Variants in CAMSAP2 observed in about 807,000 individuals in gnomAD.
The protein encoded by CAMSAP2 is calmodulin regulated spectrin associated protein family member 2.
Under a neutral mutation model 146.1 loss-of-function variants are expected in CAMSAP2, and 26 were observed. That is an observed-to-expected ratio of 0.18 (90% CI 0.13 to 0.25). The LOEUF is 0.25. CAMSAP2 is among the 10% of genes least tolerant of loss of function. The pLI, the probability that CAMSAP2 is intolerant of heterozygous loss-of-function variation, is 1.00. For synonymous variants in CAMSAP2, 499 were observed against 596.6 expected (o/e 0.84, Z 2.38); for missense variants, 1,381 against 1,759.3 (o/e 0.78, Z 3.85).
At chr1:200,847,108 G>A in intron 8 of CAMSAP2, 102 bp from the exon 9 acceptor site, 2 of 749,252 alleles carry the variant, frequency 2.7e-6, no homozygotes, top group Admixed American at 2.9e-5. Flanking sequence ...AATTTAGGTT[G>A]TAGAATGAGA....
At chr1:200,798,583 T>G (rs1167712635) in intron 2 of CAMSAP2, among the ~76,000 whole-genome samples, 2 of 141,500 alleles carry the variant, frequency 1.4e-5, no homozygotes, top group African/African-American at 2.7e-5. Context: ...ACGATGGGGT[T>G]TTCTAGATAT....
intron 1 of CAMSAP2, among the ~76,000 whole-genome samples, chr1:200,757,772 T>G (rs945000950): frequency 3.9e-5 from 6 of 152,382 alleles, no homozygotes; most frequent in Middle Eastern, 3.4e-3. Flanking sequence ...TCTTGAGGGC[T>G]GAAAAATCTA....
At chr1:200,833,972 G>A (rs1667110221) in intron 6 of CAMSAP2, among the ~76,000 whole-genome samples, 1 of 152,158 alleles carries the variant, frequency 6.6e-6, no homozygotes, top group East Asian at 1.9e-4. Flanking sequence ...AATGTATGCT[G>A]TCAGATTGTG....
At chr1:200,811,580 T>C (rs1666332487) in intron 3 of CAMSAP2, among the ~76,000 whole-genome samples, 1 of 152,222 alleles carries the variant, frequency 6.6e-6, no homozygotes. Context: ...TACTTGCTCT[T>C]GGTTGCTCAC....
intron 2 of CAMSAP2, among the ~76,000 whole-genome samples, chr1:200,783,137 T>C (rs1665486860): frequency 6.6e-6 from 1 of 152,200 alleles, no homozygotes; most frequent in African/African-American, 2.4e-5. Flanking sequence ...CCAAAGTGGT[T>C]GTACTTTCTA....
chr1:200,749,862 A>G (rs543142759), intron 1 of CAMSAP2, among the ~76,000 whole-genome samples: 1 of 152,312 alleles, frequency 6.6e-6, no homozygotes, highest in East Asian at 1.9e-4. Flanking sequence ...GAGAATCTGA[A>G]AGGAGGTAAA....
chr1:200,817,330 A>G (rs891365475), intron 4 of CAMSAP2, among the ~76,000 whole-genome samples: 1 of 149,266 alleles, frequency 6.7e-6, no homozygotes, highest in Non-Finnish European at 1.5e-5. Context: ...TGAAGAAAGA[A>G]GAAACATTAA....
At chr1:200,758,376 A>G (rs1370095587) in intron 1 of CAMSAP2, among the ~76,000 whole-genome samples, 1 of 152,216 alleles carries the variant, frequency 6.6e-6, no homozygotes, top group Non-Finnish European at 1.5e-5. Context: ...CAGCTGTTCT[A>G]CTAATAGTTT....
chr1:200,780,892 GA>G (rs1420633970), intron 2 of CAMSAP2, among the ~76,000 whole-genome samples: 36 of 152,222 alleles, frequency 2.4e-4, no homozygotes, highest in Non-Finnish European at 5.1e-4. Context: ...CAGTGCTTGG[GA>G]AGTGAAGCCT....
At position 200,799,463 on chromosome 1, in the gene CAMSAP2, G is replaced by A. The variant is rs570360857; in HGVS notation, c.400-7913G>A. 1.1e-4 allele frequency among the ~76,000 whole-genome samples: 16 copies of A among 152,308 alleles called. No individual in the cohort carries two copies. In the South Asian group the frequency reaches 2.5e-3, roughly 24 times the overall value. Reference sequence around the variant, plus strand: ...GATTTTCTAGTTTATTCGCATAGAGGTGTTTATAGTATTCTCTGATGGCAG... The same window carrying A: ...GATTTTCTAGTTTATTCGCATAGAGATGTTTATAGTATTCTCTGATGGCAG... On this transcript the variant is annotated intron_variant, in intron 2 of 16. Transcript: ENST00000358823.
intron 4 of CAMSAP2, among the ~76,000 whole-genome samples, chr1:200,825,316 A>T (rs1666876882): frequency 6.6e-6 from 1 of 152,034 alleles, no homozygotes; most frequent in Non-Finnish European, 1.5e-5. Flanking sequence ...TCTACCCCTT[A>T]CTTATTCCAC....
At chr1:200,836,938 GATT>G (rs376780015) in intron 6 of CAMSAP2, among the ~76,000 whole-genome samples, 125 of 152,120 alleles carry the variant, frequency 8.2e-4, no homozygotes, top group African/African-American at 2.7e-3. Context: ...TTCTTAATGA[GATT>G]ATTTTTATCT....
chr1:200,837,914 C>T (rs1353621427), intron 6 of CAMSAP2, among the ~76,000 whole-genome samples: 1 of 152,074 alleles, frequency 6.6e-6, no homozygotes, highest in Non-Finnish European at 1.5e-5. Flanking sequence ...GATTTTTGTA[C>T]ATTAATTTTG....
chr1:200,806,160 G>A (rs1666165070), intron 2 of CAMSAP2, among the ~76,000 whole-genome samples: 1 of 152,146 alleles, frequency 6.6e-6, no homozygotes, highest in Admixed American at 6.6e-5. Context: ...TTGAAAGTCT[G>A]GAGAAAAACT....
intron 2 of CAMSAP2, among the ~76,000 whole-genome samples, chr1:200,773,787 G>A (rs1249782710): frequency 1.3e-5 from 2 of 152,014 alleles, no homozygotes; most frequent in Non-Finnish European, 1.5e-5. Context: ...TTGGGAGACT[G>A]AGGTGGGCGG....
intron 4 of CAMSAP2, among the ~76,000 whole-genome samples, chr1:200,827,232 A>G (rs1666928205): frequency 6.6e-6 from 1 of 152,242 alleles, no homozygotes; most frequent in Non-Finnish European, 1.5e-5. Context: ...ATTAGTAACA[A>G]AATCCAATTA....
At chr1:200,795,669 G>A (rs943498712) in intron 2 of CAMSAP2, among the ~76,000 whole-genome samples, 1 of 152,116 alleles carries the variant, frequency 6.6e-6, no homozygotes, top group East Asian at 1.9e-4. Context: ...TATTAAGTTT[G>A]CAATAAAGCT....
At chr1:200,817,336 A>G (rs1004884230) in intron 4 of CAMSAP2, among the ~76,000 whole-genome samples, 1 of 148,018 alleles carries the variant, frequency 6.8e-6, no homozygotes, top group Non-Finnish European at 1.5e-5. Context: ...AAGAAGAAAC[A>G]TTAACATGGA....
At chr1:200,778,616 ATAAT>A (rs1441408119) in intron 2 of CAMSAP2, among the ~76,000 whole-genome samples, 4 of 152,332 alleles carry the variant, frequency 2.6e-5, no homozygotes, top group East Asian at 3.9e-4. Flanking sequence ...AATTTAACAA[ATAAT>A]TAATCATGTT....
Sources: gnomAD v4.1 joint callset for allele counts (sites outside exome capture counted in the v4.1 genomes callset) on GRCh38, gnomAD v4.1.1 for gene constraint, MANE v1.5 for transcripts, NCBI Gene and HGNC (gene_info 2026-07-23, HGNC 2026-07-21) for gene names.